The following AMOT variants were observed in gnomAD, a reference collection of about 807,000 sequenced individuals.
AMOT encodes the protein angiomotin.
A neutral mutation model predicts 67.0 loss-of-function variants in AMOT; 11 were observed. The observed-to-expected ratio is 0.16, with a 90% CI of 0.10 to 0.27. The LOEUF (loss-of-function observed/expected upper bound fraction) is 0.27, where lower values mean the gene tolerates loss of function less well. AMOT is among the 10% of genes least tolerant of loss of function. The pLI, the probability that AMOT is intolerant of heterozygous loss-of-function variation, is 1.00. For synonymous variants in AMOT, 326 were observed against 321.4 expected (o/e 1.01, Z -0.15); for missense variants, 753 against 852.0 (o/e 0.88, Z 1.45).
intron 8 of AMOT, among the ~76,000 whole-genome samples, chrX:112,803,691 G>A (rs1934082679): frequency 8.9e-6 from 1 of 112,245 alleles, no homozygotes; most frequent in Admixed American, 9.5e-5. Flanking sequence ...GAAAGCAGAG[G>A]AAATTGATAA....
chrX:112,834,757 CAG>C (rs1935091699), intron 1 of AMOT, among the ~76,000 whole-genome samples: 1 of 112,934 alleles, frequency 8.9e-6, no homozygotes, highest in Admixed American at 9.3e-5. Flanking sequence ...CGCACACACA[CAG>C]AAGTTTGCTT....
At chrX:112,801,356 A>ACGGAAAGGCACCATTTACCT (rs1378590730) in intron 8 of AMOT, among the ~76,000 whole-genome samples, 3 of 111,432 alleles carry the variant, frequency 2.7e-5, no homozygotes, top group Non-Finnish European at 3.8e-5. Context: ...AAGGGCAAGG[A>ACGGAAAGGCACCATTTACCT]CGGAAAGGCA....
chrX:112,798,682 T>C (rs904927788), intron 8 of AMOT, among the ~76,000 whole-genome samples: 11 of 112,312 alleles, frequency 9.8e-5, no homozygotes, highest in African/African-American at 3.6e-4. Flanking sequence ...AACACACACC[T>C]CATAAATGTA....
At chrX:112,785,560 G>A (rs1933338891) in intron 10 of AMOT, among the ~76,000 whole-genome samples, 1 of 112,265 alleles carries the variant, frequency 8.9e-6, no homozygotes, top group South Asian at 3.7e-4. Flanking sequence ...TAGTACAGCA[G>A]TGAGTTTGGA....
At chrX:112,814,102 G>A (rs751032787) in intron 5 of AMOT, among the ~76,000 whole-genome samples, 135 of 110,533 alleles carry the variant, frequency 1.2e-3, no homozygotes, top group Non-Finnish European at 2.0e-3. Flanking sequence ...GAGAAACCCC[G>A]TCTCTACTAA....
intron 10 of AMOT, among the ~76,000 whole-genome samples, chrX:112,785,651 C>A (rs1933342416): frequency 8.9e-6 from 1 of 112,013 alleles, no homozygotes; most frequent in Admixed American, 9.5e-5. Context: ...GGAAGACGGC[C>A]TTATCTCTCG....
chrX:112,779,518 G>A lies in AMOT; in HGVS notation c.2636C>T (p.Ala879Val). 3 of 1,211,332 alleles carry A rather than the reference G, an allele frequency of 2.5e-6. No homozygotes were observed. The highest frequency in any genetic ancestry group is 3.4e-6 in the Non-Finnish European group (3 of 895,434). Reference protein sequence around the residue: ...GTESNKTAAVAPISVPAPVAA... With the variant: ...GTESNKTAAVVPISVPAPVAA... ...AACTGGAGCAGGAACAGAGATGGGA[G>A]CAACAGCTGCAGTTTTGTTCGATTC... is the stretch of plus-strand genomic sequence containing the variant. Residue 879 changes from alanine to valine, a missense_variant, in exon 13 of 14, where the codon GCT (alanine) becomes GTT (valine). Transcript: ENST00000371959.
chrX:112,784,294 GC>G (rs1345297460), intron 10 of AMOT, among the ~76,000 whole-genome samples: 2 of 112,200 alleles, frequency 1.8e-5, no homozygotes, highest in Non-Finnish European at 3.8e-5. Flanking sequence ...AGTACACTCT[GC>G]CCCTAACAAG....
At chrX:112,801,450 A>G (rs1480148399) in intron 8 of AMOT, among the ~76,000 whole-genome samples, 1 of 111,465 alleles carries the variant, frequency 9.0e-6, no homozygotes, top group Admixed American at 9.6e-5. Context: ...ACTCACCAAG[A>G]AAACAGGTCT....
rs752825045 is a variant in AMOT at position 112,822,433 on chromosome X, C to T, written c.694G>A (p.Gly232Ser). 14 of 1,166,069 alleles carry T rather than the reference C, an allele frequency of 1.2e-5. No homozygotes were observed. Among genetic ancestry groups the T allele is most frequent in the Non-Finnish European group, 1.4e-5 (12 of 872,782 alleles). Residue 232 changes from glycine (G) to serine (S), a missense_variant, in exon 4 of 14, where the codon GGC becomes AGC. Around this residue, in one of 5 missense-constraint regions of AMOT, gnomAD observed 297 missense variants for 284.3 expected, o/e 1.04. Transcript: ENST00000371959. ...GPLPNQHSLK[G>S]MEHRGPPPEY... is the part of the protein sequence containing the mutation. Reference sequence around the variant, plus strand: ...GGTGGGGGGCCTCGGTGTTCCATGCCCTTCAGGCTATGCTGGTTAGGAAGT... The same window carrying T: ...GGTGGGGGGCCTCGGTGTTCCATGCTCTTCAGGCTATGCTGGTTAGGAAGT...
Position 112,822,976 on chromosome X carries a change from C to T in AMOT, c.151G>A (p.Gly51Ser), listed in dbSNP as rs968387242. ...CTCTGAGGGCCCGGGTTCCCACTGC[C>T]ACTGGGGAAAGGAGGGCCATTCCCT... ...ATGNGPPFPS[G>S]SGNPGPQSDV... Residue 51 changes from glycine to serine, a missense_variant, in exon 4 of 14, where the codon GGC becomes AGC. Gly to Ser is a moderately conservative substitution (Grantham distance 56). Around this residue, in one of 5 missense-constraint regions of AMOT, gnomAD observed 118 missense variants for 125.9 expected, o/e 0.94. Coordinates refer to ENST00000371959, the MANE Select transcript of AMOT (RefSeq NM_001113490.2). 15 of 1,165,665 alleles carry T rather than the reference C, an allele frequency of 1.3e-5. No homozygotes were observed. Among genetic ancestry groups the T allele is most frequent in the African/African-American group, 5.4e-5 (3 of 55,499 alleles).
At position 112,783,574 on chromosome X, in the gene AMOT, T is replaced by C. The variant is rs1041726090; in HGVS notation, c.2118-912A>G. Among the ~76,000 whole-genome samples the C allele has an allele frequency of 6.3e-5, 7 of 111,365 alleles. No individual in the cohort carries two copies. The Admixed American group carries it at 6.7e-4, about 11-fold the overall frequency. On this transcript the variant is annotated intron_variant, in intron 10 of 13. Coordinates refer to ENST00000371959, the MANE Select transcript of AMOT (RefSeq NM_001113490.2). ...AACATTCTAGCACCAAATCAATGGG[T>C]CTACCCCAACAAAGTGACTGTTCTC...
intron 10 of AMOT, among the ~76,000 whole-genome samples, chrX:112,788,233 G>A (rs1933443436): frequency 9.2e-6 from 1 of 108,123 alleles, no homozygotes; most frequent in Non-Finnish European, 1.9e-5. Context: ...AGGCTGCAGT[G>A]AGCCGAGATA....
At chrX:112,781,164 G>A (rs759315741) in intron 11 of AMOT, 46 bp from the exon 12 acceptor site, 1 of 1,132,553 alleles carries the variant, frequency 8.8e-7, no homozygotes, top group South Asian at 1.9e-5. Context: ...GTTGTGGGCT[G>A]GGCGCGGTGG....
chrX:112,821,036 T>C, intron 4 of AMOT, among the ~76,000 whole-genome samples: 1 of 104,154 alleles, frequency 9.6e-6, no homozygotes, highest in Non-Finnish European at 1.9e-5. Flanking sequence ...AAACAGGACC[T>C]GCAGGGGAAA....
intron 1 of AMOT, among the ~76,000 whole-genome samples, chrX:112,836,194 T>G (rs932299279): frequency 3.6e-5 from 4 of 112,060 alleles, no homozygotes; most frequent in Non-Finnish European, 7.5e-5. Context: ...TTGATGGGAT[T>G]TCACCATACA....
chrX:112,797,500 G>C (rs956479905), intron 8 of AMOT, among the ~76,000 whole-genome samples: 11 of 112,027 alleles, frequency 9.8e-5, no homozygotes, highest in African/African-American at 3.6e-4. Flanking sequence ...AAAGCAACTG[G>C]CTGGATGTAG....
intron 8 of AMOT, 49 bp downstream of exon 8, chrX:112,804,898 T>TTGCCCCCCCCCCC: frequency 4.8e-5 from 40 of 837,527 alleles, no homozygotes; most frequent in East Asian, 1.1e-4. Context: ...GTCCCCGATT[T>TTGCCCCCCCCCCC]CCCAGCCCTC....
intron 4 of AMOT, among the ~76,000 whole-genome samples, chrX:112,821,232 C>T (rs926352082): frequency 2.7e-5 from 3 of 111,150 alleles, no homozygotes; most frequent in Non-Finnish European, 3.8e-5. Context: ...GTCTGTGAGC[C>T]GCATATAAAT....
Sources: gnomAD v4.1 joint callset for allele counts (sites outside exome capture counted in the v4.1 genomes callset) on GRCh38, gnomAD v4.1.1 for gene constraint, gnomAD v4.1.1 regional missense constraint, MANE v1.5 for transcripts, NCBI Gene and HGNC (gene_info 2026-07-23, HGNC 2026-07-21) for gene names.